Variants in ZBTB46 observed in about 807,000 individuals in gnomAD.
The protein encoded by ZBTB46 is zinc finger and BTB domain containing 46.
A neutral mutation model predicts 44.1 loss-of-function variants in ZBTB46; 8 were observed. The ratio of observed to expected loss-of-function variants is 0.18; its 90% confidence interval spans 0.11 to 0.33. The LOEUF is 0.33. Ranked by LOEUF, ZBTB46 falls within the 10% of genes least tolerant of loss-of-function variation. ZBTB46 has a pLI of 1.00. For synonymous variants in ZBTB46, 409 were observed against 382.3 expected (o/e 1.07, Z -0.81); for missense variants, 651 against 847.7 (o/e 0.77, Z 2.88).
In ZBTB46 at chr20:63,790,449, G is replaced by A. The variant is rs1190812095; in HGVS notation, c.309C>T (p.Ile103=). The change falls in exon 2 of 5, where the codon ATC becomes ATT. Residue 103 remains isoleucine, a synonymous_variant. Coordinates refer to ENST00000245663, the MANE Select transcript of ZBTB46 (RefSeq NM_001369741.1). ...GGAAGCTGGCGGCTGACATCACCTC[G>A]ATGACGTTCCTGCTGGTGAGCGCCA... is the stretch of plus-strand genomic sequence containing the variant. ...AHLALTSRNV[I]EVMSAASFLQ... 3 of 1,613,112 alleles carry A rather than the reference G, an allele frequency of 1.9e-6. No individual in the cohort carries two copies. The highest frequency in any genetic ancestry group is 1.7e-6 in the Non-Finnish European group (2 of 1,180,018).
In ZBTB46 at chr20:63,781,282, G is replaced by C. The variant is rs144806821; in HGVS notation, c.938-5320C>G. On this transcript the variant is annotated intron_variant, in intron 2 of 4. Transcript: ENST00000245663. Reference sequence around the variant, plus strand: ...ACTCAGTAATAAAAGATGGGCAGAAGATCTGAACAGACACTTCCCCAAGGA... The same window carrying C: ...ACTCAGTAATAAAAGATGGGCAGAACATCTGAACAGACACTTCCCCAAGGA... 2.1e-4 allele frequency among the ~76,000 whole-genome samples: 32 copies of C among 152,108 alleles called. No individual in the cohort carries two copies. In the East Asian group the frequency reaches 5.8e-3, roughly 28 times the overall value.
chr20:63,748,730 A>G (rs540028526), intron 4 of ZBTB46, among the ~76,000 whole-genome samples: 1 of 152,238 alleles, frequency 6.6e-6, no homozygotes, highest in Admixed American at 6.5e-5. Flanking sequence ...CCCTCCATCC[A>G]CAGGGCTGTC....
rs995485669 is a variant in ZBTB46, at chr20:63,793,688, G to A, written c.-33-2898C>T. 5.5e-4 allele frequency among the ~76,000 whole-genome samples: 84 copies of A among 152,092 alleles called. 1 individual carries two copies. The highest frequency in any genetic ancestry group is 1.9e-4 in the East Asian group (1 of 5,194). ...ATAGAAGCAGCGGCTACCTCACAAC[G>A]GTCCACACCTCCACGTAAGATTTTA... On this transcript the variant is annotated intron_variant, in intron 1 of 4. Transcript: ENST00000245663.
chr20:63,784,421 G>C (rs1351907790), intron 2 of ZBTB46, among the ~76,000 whole-genome samples: 1 of 152,140 alleles, frequency 6.6e-6, no homozygotes, highest in Non-Finnish European at 1.5e-5. Context: ...AACATGTCAA[G>C]CTCCCACCTC....
chr20:63,801,832 C>T (rs369919922), intron 1 of ZBTB46, among the ~76,000 whole-genome samples: 5 of 152,134 alleles, frequency 3.3e-5, no homozygotes, highest in African/African-American at 7.2e-5. Context: ...ACAATGGGGA[C>T]GGCCTGTGTC....
At chr20:63,826,519 G>A (rs1035262342) in intron 1 of ZBTB46, among the ~76,000 whole-genome samples, 3 of 151,384 alleles carry the variant, frequency 2.0e-5, no homozygotes, top group Admixed American at 1.3e-4. Context: ...TCAGGAGATC[G>A]AGACCATCCT....
rs1164093708 is a variant in ZBTB46 at position 63,803,119 on chromosome 20, C to T, written c.-33-12329G>A. 6.6e-6 allele frequency among the ~76,000 whole-genome samples: 1 copy of T among 152,154 alleles called. No homozygotes were observed. The highest frequency in any genetic ancestry group is 1.5e-5 in the Non-Finnish European group (1 of 68,024). On this transcript the variant is annotated intron_variant, in intron 1 of 4. Coordinates refer to ENST00000245663, the MANE Select transcript of ZBTB46 (RefSeq NM_001369741.1). The surrounding 1 kb of genome is among the most constrained non-coding windows in gnomAD (Gnocchi z 4.0). ...CACCAACCCGGCTCCCCCAGGGCAC[C>T]TCACCAGCAGGAACCAGGCGTGGGC...
intron 3 of ZBTB46, among the ~76,000 whole-genome samples, chr20:63,772,722 AACACAC>A (rs67126549): frequency 1.3e-3 from 26 of 20,256 alleles, no homozygotes; most frequent in Admixed American, 8.2e-4. Context: ...CTGTCTCAAA[AACACAC>A]ACACACACAC....
At chr20:63,775,491 C>T (rs1568854306) in intron 3 of ZBTB46, 187 bp downstream of exon 3, 2 of 689,516 alleles carry the variant, frequency 2.9e-6, no homozygotes, top group Non-Finnish European at 4.5e-6. Context: ...TAAAGCCAGC[C>T]CCCCGTGCAC....
intron 4 of ZBTB46, among the ~76,000 whole-genome samples, chr20:63,750,993 G>A: frequency 6.6e-6 from 1 of 152,174 alleles, no homozygotes; most frequent in Non-Finnish European, 1.5e-5. Context: ...AACGTTTACT[G>A]AGAGGTTAAT....
At position 63,746,722 on chromosome 20, in the gene ZBTB46, CT is replaced by C. The variant is rs2092092910; in HGVS notation, c.*207del. The C allele has an allele frequency of 1.3e-6, 1 of 750,402 alleles. No individual in the cohort carries two copies. The highest frequency in any genetic ancestry group is 3.1e-5 in the East Asian group (1 of 32,298). The allele number at this position is 750,402 out of a possible 1,614,324, so 46.5% of individuals were successfully genotyped here. A position where few individuals can be genotyped will look rare whatever the true frequency, so the allele number is the denominator to read the frequency against. ...CCACCCTGTGCCCTCCCCCAACTCA[CT>C]TCATGTCTGGTCCCAGAGCACCCCT... On this transcript the variant is annotated 3_prime_UTR_variant, in exon 5 of 5. Coordinates refer to ENST00000245663, the MANE Select transcript of ZBTB46 (RefSeq NM_001369741.1).
intron 3 of ZBTB46, among the ~76,000 whole-genome samples, chr20:63,771,918 C>T (rs1026810785): frequency 6.6e-6 from 1 of 152,058 alleles, no homozygotes; most frequent in Admixed American, 6.6e-5. Context: ...GGGCAGGCGT[C>T]TGGGGCATCC....
At chr20:63,798,862 T>G (rs1284726060) in intron 1 of ZBTB46, among the ~76,000 whole-genome samples, 1 of 148,808 alleles carries the variant, frequency 6.7e-6, no homozygotes, top group African/African-American at 2.5e-5. Flanking sequence ...AAAAAAAATG[T>G]AATTAACAGA....
chr20:63,789,135 A>C (rs2145921905), intron 2 of ZBTB46, among the ~76,000 whole-genome samples: 1 of 151,840 alleles, frequency 6.6e-6, no homozygotes, highest in East Asian at 2.0e-4. Context: ...CTCAAAAAAA[A>C]AAAGAAAAAG....
rs757726466 is a variant in ZBTB46 at position 63,775,943 on chromosome 20, G to T, written c.957C>A (p.Thr319=). The T allele has an allele frequency of 3.2e-6, 5 of 1,576,332 alleles. No individual in the cohort carries two copies. The African/African-American group carries it at 6.8e-5, about 21-fold the overall frequency. The change falls in exon 3 of 5, where the codon ACC becomes ACA. Residue 319 remains threonine, a synonymous_variant. Coordinates refer to ENST00000245663, the MANE Select transcript of ZBTB46 (RefSeq NM_001369741.1). ...SRDSNADLSV[T]EASSSDSRGE... is the part of the protein sequence containing the mutation. ...CTCGGCTGTCGGAGCTGCTGGCTTC[G>T]GTGACGGACAGGTCCGCATCTGGGG...
At chr20:63,808,976 CAAAA>C (rs1157399042) in intron 1 of ZBTB46, among the ~76,000 whole-genome samples, 1 of 75,232 alleles carries the variant, frequency 1.3e-5, no homozygotes. Flanking sequence ...GACTCCGCTT[CAAAA>C]AAAAAAAAAA....
At chr20:63,755,053 C>T (rs2145777910) in intron 3 of ZBTB46, among the ~76,000 whole-genome samples, 1 of 152,156 alleles carries the variant, frequency 6.6e-6, no homozygotes, top group East Asian at 1.9e-4. Flanking sequence ...TATTTTTTTA[C>T]CTAGAAAAAC....
rs910507064 is a variant in ZBTB46, at chr20:63,769,339, G to A, written c.1222+6339C>T. 10 of 985,282 alleles carry A rather than the reference G, an allele frequency of 1.0e-5. No individual in the cohort carries two copies. In the South Asian group the frequency reaches 1.4e-4, roughly 14 times the overall value. 61.0% of individuals were successfully genotyped at this position (985,282 alleles called of 1,614,324 possible). A position where few individuals can be genotyped will look rare whatever the true frequency, so the allele number is the denominator to read the frequency against. Reference sequence around the variant, plus strand: ...GTGGCTCTGAGGGTGGAGGGTGGAGGGGCTTCTGTTCTGCCATCAGCGACC... The same window carrying A: ...GTGGCTCTGAGGGTGGAGGGTGGAGAGGCTTCTGTTCTGCCATCAGCGACC... On this transcript the variant is annotated intron_variant, in intron 3 of 4. Transcript: ENST00000245663.
chr20:63,805,566 G>A (rs1424340834), intron 1 of ZBTB46, among the ~76,000 whole-genome samples: 1 of 152,228 alleles, frequency 6.6e-6, no homozygotes, highest in East Asian at 1.9e-4. Flanking sequence ...GGAGCCACCA[G>A]GAGCTGGAAG....
Sources: allele counts gnomAD v4.1 joint callset (sites outside exome capture counted in the v4.1 genomes callset), GRCh38; gene constraint gnomAD v4.1.1; non-coding constraint Gnocchi (gnomAD v3.1); transcripts MANE v1.5; gene names NCBI Gene and HGNC (gene_info 2026-07-23, HGNC 2026-07-21).